Variants in TTN observed in about 807,000 individuals in gnomAD.
TTN encodes connectin.
In TTN, 1,525 loss-of-function variants were observed where a neutral mutation model predicts 3,223.0. The observed-to-expected ratio is 0.47, with a 90% confidence interval of 0.45 to 0.49. The LOEUF is 0.49. Ranked by LOEUF, TTN falls within the 20% of genes least tolerant of loss-of-function variation. TTN has a pLI of 0.00. For synonymous variants in TTN, 14,094 were observed against 15,161.0 expected, an observed-to-expected ratio of 0.93 and a Z score of 5.17; for missense variants, 40,786 against 43,424.0, an observed-to-expected ratio of 0.94 and a Z score of 5.40.
At position 178,706,618 on chromosome 2, in the gene TTN, A is replaced by G; in HGVS notation, c.29256T>C (p.Asp9752=). 7.4e-6 allele frequency: 12 copies of G among 1,613,924 alleles called. No homozygotes were observed. The highest frequency in any genetic ancestry group is 1.0e-5 in the Non-Finnish European group (12 of 1,179,838). The change falls in exon 102 of 363, where the codon GAT becomes GAC. Residue 9752 remains aspartate, a synonymous_variant. Transcript: ENST00000589042. ...TGTCCCTAATCTCCAGTTTTGCTTC[A>G]TCGCCTTTTTGGTGGATGAAAACAC... ...GGRVFIHQKG[D]EAKLEIRDTT...
intron 11 of TTN, among the ~76,000 whole-genome samples, 188 bp from the exon 12 acceptor site, chr2:178,790,303 T>C (rs1189975762): frequency 6.6e-6 from 1 of 151,222 alleles, no homozygotes; most frequent in Admixed American, 6.5e-5. Context: ...ATCAAAACAA[T>C]AAGTCCAGTT....
Position 178,572,899 on chromosome 2 carries a change from G to A in TTN, c.73233C>T (p.Ala24411=), listed in dbSNP as rs879070935. 6.2e-7 allele frequency: 1 copy of A among 1,613,302 alleles called. No homozygotes were observed. Among genetic ancestry groups the A allele is most frequent in the Non-Finnish European group, 8.5e-7 (1 of 1,179,558 alleles). ...CAGCCTTTGGAGTTCCAGGAACAAG[G>A]GCAGGTTCCCCAAGTCCTTCGGAAT... ...AMNSEGLGEP[A]LVPGTPKAED... The change falls in exon 326 of 363, where the codon GCC becomes GCT. Residue 24411 remains alanine, a synonymous_variant. Transcript: ENST00000589042.
rs370157162 is a variant in TTN at position 178,652,102 on chromosome 2, G to C, written c.39289C>G (p.Pro13097Ala). The stretch of plus-strand genomic sequence containing the variant: ...TGAATAGTTTCATTATTACCTTCAG[G>C]GGGAGGACTTTCCGGTTTGGGAGGA... ...AIPPKPESPP[P>A]EVFEEPEEVA... Residue 13097 changes from proline to alanine, a missense_variant, in exon 204 of 363, where the codon CCT (proline) becomes GCT (alanine). By Grantham distance (27) the Pro-to-Ala change is conservative. Coordinates refer to ENST00000589042, the MANE Select transcript of TTN (RefSeq NM_001267550.2). The C allele has an allele frequency of 1.1e-5, 17 of 1,613,042 alleles. No individual in the cohort carries two copies. Among genetic ancestry groups the C allele is most frequent in the African/African-American group, 9.4e-5 (7 of 74,842 alleles).
chr2:178,717,843 A>T (rs1389884210), intron 86 of TTN, 33 bp from the exon 87 acceptor site: 2 of 1,576,366 alleles, frequency 1.3e-6, no homozygotes, highest in Admixed American at 3.7e-5. Flanking sequence ...CCTTATTTAC[A>T]GGTGAGAAGG....
At chr2:178,541,702 GACTATTTTTCCAATAGTTTCACTTTTGT>G in intron 349 of TTN, 118 bp from the exon 350 acceptor site, 1 of 730,370 alleles carries the variant, frequency 1.4e-6, no homozygotes, top group African/African-American at 1.8e-5. Context: ...TAAGGCACAT[GACTATTTTTCCAATAGTTTCACTTTTGT>G]ACTATTTGTA....
chr2:178,652,730 T>A lies in TTN; in HGVS notation c.38966A>T (p.Glu12989Val), dbSNP rs568601377. The change falls in exon 201 of 363, where the codon GAG (glutamate) becomes GTG (valine). Residue 12989 changes from glutamate to valine, a missense_variant. Transcript: ENST00000589042. ...KPEVPPVKVP[E>V]APKEVVPEKK... ...TTCAGGAACAACCTCTTTGGGAGCCTCTGGTACTTAAAAGATATTAGTGAA... is the reference window on the plus strand; with the variant it reads ...TTCAGGAACAACCTCTTTGGGAGCCACTGGTACTTAAAAGATATTAGTGAA... 1.2e-6 allele frequency: 2 copies of A among 1,612,874 alleles called. No individual in the cohort carries two copies. The highest frequency in any genetic ancestry group is 2.7e-5 in the African/African-American group (2 of 74,866).
rs773388033 is a variant in TTN, at chr2:178,621,194, A to G, written c.45524T>C (p.Val15175Ala). Residue 15175 changes from valine (V) to alanine (A), a missense_variant, in exon 246 of 363, where the codon GTC (valine) becomes GCC (alanine). Physicochemically the swap from Val to Ala is moderately conservative, Grantham distance 64. Transcript: ENST00000589042. ...YDVIADGKKR[V>A]LVVKDATLQD... ...TAATGTGGCATCTTTCACAACTAGGACCCTCTTTTTACCATCAGCAATAAC... is the reference window on the plus strand; with the variant it reads ...TAATGTGGCATCTTTCACAACTAGGGCCCTCTTTTTACCATCAGCAATAAC... 1.2e-6 allele frequency: 2 copies of G among 1,612,264 alleles called. No individual in the cohort carries two copies. The highest frequency in any genetic ancestry group is 1.3e-5 in the African/African-American group (1 of 74,754).
Position 178,566,044 on chromosome 2 carries a change from T to G in TTN, c.80088A>C (p.Arg26696Ser). Residue 26696 changes from arginine to serine, a missense_variant, in exon 326 of 363, where the codon AGA becomes AGC. Physicochemically the swap from Arg to Ser is moderately radical, Grantham distance 110. Transcript: ENST00000589042. Reference sequence around the variant, plus strand: ...CCCATACCAGGAAGGCAGAATCTTTTCTCACTTCTTTGACTGCCAAATTCT... The same window carrying G: ...CCCATACCAGGAAGGCAGAATCTTTGCTCACTTCTTTGACTGCCAAATTCT... ...PPQNLAVKEV[R>S]KDSAFLVWEP... is the part of the protein sequence containing the mutation. 1 of 1,613,554 alleles carries G rather than the reference T, an allele frequency of 6.2e-7. No homozygotes were observed. Among genetic ancestry groups the G allele is most frequent in the Non-Finnish European group, 8.5e-7 (1 of 1,179,612 alleles).
rs769255289 is a variant in TTN at position 178,572,636 on chromosome 2, A to G, written c.73496T>C (p.Leu24499Pro). 6.2e-7 allele frequency: 1 copy of G among 1,613,212 alleles called. No homozygotes were observed. Among genetic ancestry groups the G allele is most frequent in the Non-Finnish European group, 8.5e-7 (1 of 1,179,506 alleles). ...VNRFDSGKYILTVENSSGSKS... is the reference protein window; with the variant it reads ...VNRFDSGKYIPTVENSSGSKS... ...GCTGCCTGAACTATTTTCTACAGTT[A>G]GTATATATTTGCCACTGTCAAATCT... Residue 24499 changes from leucine (L) to proline (P), a missense_variant, in exon 326 of 363, where the codon CTA becomes CCA. Coordinates refer to ENST00000589042, the MANE Select transcript of TTN (RefSeq NM_001267550.2).
At chr2:178,692,373 A>C in intron 120 of TTN, 124 bp downstream of exon 120, 1 of 991,682 alleles carries the variant, frequency 1.0e-6, no homozygotes, top group Non-Finnish European at 1.5e-6. Context: ...AAATGAAATC[A>C]ATATACACAG....
At chr2:178,788,977 A>G (rs2093349702) in intron 13 of TTN, among the ~76,000 whole-genome samples, 1 of 152,100 alleles carries the variant, frequency 6.6e-6, no homozygotes, top group Non-Finnish European at 1.5e-5. Flanking sequence ...ATGACCCTTC[A>G]AAACACACAT....
Position 178,607,281 on chromosome 2 carries a change from A to G in TTN, c.53321T>C (p.Val17774Ala), listed in dbSNP as rs770511876. 1 of 1,612,730 alleles carries G rather than the reference A, an allele frequency of 6.2e-7. No individual in the cohort carries two copies. Among genetic ancestry groups the G allele is most frequent in the Non-Finnish European group, 8.5e-7 (1 of 1,179,274 alleles). The change falls in exon 278 of 363, where the codon GTT (valine) becomes GCT (alanine). Residue 17774 changes from valine (V) to alanine (A), a missense_variant. By Grantham distance (64) the Val-to-Ala change is moderately conservative. Transcript: ENST00000589042. ...VPGPVLDLKP[V>A]VTNRKMCLLN... Reference sequence around the variant, plus strand: ...TAGACACATTTTTCTGTTTGTTACAACAGGTTTTAAGTCAAGAACTGGACC... The same window carrying G: ...TAGACACATTTTTCTGTTTGTTACAGCAGGTTTTAAGTCAAGAACTGGACC...
Position 178,539,039 on chromosome 2 carries a change from C to A in TTN, c.98896G>T (p.Ala32966Ser). ...GCGATGATGCGGAACTGATACTCAG[C>A]ATCGGGAACAAGCCCTGTGACAGTG... ...MYTVTGLVPD[A>S]EYQFRIIAQN... Residue 32966 changes from alanine to serine, a missense_variant, in exon 353 of 363, where the codon GCT becomes TCT. Coordinates refer to ENST00000589042, the MANE Select transcript of TTN (RefSeq NM_001267550.2). 6.2e-7 allele frequency: 1 copy of A among 1,613,786 alleles called. No homozygotes were observed. The highest frequency in any genetic ancestry group is 2.2e-5 in the East Asian group (1 of 44,868).
Position 178,730,696 on chromosome 2 carries a change from T to A in TTN, c.17837A>T (p.His5946Leu). ...IDLECIVAGS[H>L]PISIQWFKDD... Reference sequence around the variant, plus strand: ...TTTGAACCACTGGATGCTTATGGGATGTGACCCAGCCACTATACATTCTAA... The same window carrying A: ...TTTGAACCACTGGATGCTTATGGGAAGTGACCCAGCCACTATACATTCTAA... Residue 5946 changes from histidine to leucine, a missense_variant, in exon 61 of 363, where the codon CAT (histidine) becomes CTT (leucine). Physicochemically the swap from His to Leu is moderately conservative, Grantham distance 99. Coordinates refer to ENST00000589042, the MANE Select transcript of TTN (RefSeq NM_001267550.2). The A allele has an allele frequency of 6.2e-7, 1 of 1,613,676 alleles. No individual in the cohort carries two copies. The highest frequency in any genetic ancestry group is 1.3e-5 in the African/African-American group (1 of 75,044).
rs774651157 is a variant in TTN at position 178,554,076 on chromosome 2, C to T, written c.89035G>A (p.Gly29679Arg). Residue 29679 changes from glycine (G) to arginine (R), a missense_variant, in exon 333 of 363, where the codon GGA becomes AGA. Transcript: ENST00000589042. The part of the protein sequence containing the change: ...FLEKRDKKSL[G>R]WFKVLKETIR... ...GTCTCTTTTAGTACTTTAAACCATC[C>T]TAGGCTCTTCTTGTCTCGTTTTTCA... 43 of 1,613,684 alleles carry T rather than the reference C, an allele frequency of 2.7e-5. No homozygotes were observed. Among genetic ancestry groups the T allele is most frequent in the Non-Finnish European group, 3.6e-5 (42 of 1,179,794 alleles).
intron 239 of TTN, among the ~76,000 whole-genome samples, chr2:178,629,868 C>G (rs972570431): frequency 6.6e-6 from 1 of 152,074 alleles, no homozygotes; most frequent in Non-Finnish European, 1.5e-5. Flanking sequence ...TTTCTTGAAT[C>G]TAAAATGCCC....
chr2:178,775,955 G>T lies in TTN; in HGVS notation c.5909C>A (p.Thr1970Asn), dbSNP rs886042215. ...EVQKVDRPVDTTETKEVVKLK... is the reference protein window; with the variant it reads ...EVQKVDRPVDNTETKEVVKLK... Reference sequence around the variant, plus strand: ...CTTCACAACTTCTTTGGTTTCAGTGGTGTCAACAGGTCTATCCACTTTTTG... The same window carrying T: ...CTTCACAACTTCTTTGGTTTCAGTGTTGTCAACAGGTCTATCCACTTTTTG... The change falls in exon 28 of 363, where the codon ACC (threonine) becomes AAC (asparagine). Residue 1970 changes from threonine to asparagine, a missense_variant. By Grantham distance (65) the Thr-to-Asn change is moderately conservative. Transcript: ENST00000589042. 1.2e-6 allele frequency: 2 copies of T among 1,614,084 alleles called. No homozygotes were observed. Among genetic ancestry groups the T allele is most frequent in the Non-Finnish European group, 8.5e-7 (1 of 1,179,992 alleles).
Position 178,663,622 on chromosome 2 carries a change from A to C in TTN, c.36532+5T>G. 6.2e-7 allele frequency: 1 copy of C among 1,613,600 alleles called. No individual in the cohort carries two copies. The highest frequency in any genetic ancestry group is 8.5e-7 in the Non-Finnish European group (1 of 1,179,728). ...CATCTGAAGCCTAAAATCAGTGACA[A>C]ATACCTTTAACAGGTGGGACTTCAG... On this transcript the variant is annotated splice_donor_5th_base_variant and intron_variant, in intron 171 of 362. Transcript: ENST00000589042.
At position 178,535,855 on chromosome 2, in the gene TTN, TC is replaced by T; in HGVS notation, c.100766-7del. ...TAAGTGTATCTTAGCTGGAACTGTA[TC>T]AGAAAAAAAAAAAAAAAGAATATAA... On this transcript the variant is annotated splice_polypyrimidine_tract_variant and splice_region_variant and intron_variant, in intron 357 of 362. Transcript: ENST00000589042. 6.7e-7 allele frequency: 1 copy of T among 1,484,128 alleles called. No homozygotes were observed. Among genetic ancestry groups the T allele is most frequent in the Non-Finnish European group, 8.9e-7 (1 of 1,119,084 alleles). The allele number at this position is 1,484,128 out of a possible 1,614,324, so 91.9% of individuals were successfully genotyped here. A position where few individuals can be genotyped will look rare whatever the true frequency, so the allele number is the denominator to read the frequency against.
Sources: gnomAD v4.1 joint callset for allele counts (sites outside exome capture counted in the v4.1 genomes callset) on GRCh38, gnomAD v4.1.1 for gene constraint, MANE v1.5 for transcripts, NCBI Gene and HGNC (gene_info 2026-07-23, HGNC 2026-07-21) for gene names.